Variants in FIGN observed in about 807,000 individuals in gnomAD.
The protein encoded by FIGN is fidgetin, microtubule severing factor.
A neutral mutation model predicts 51.3 loss-of-function variants in FIGN; 11 were observed. That is an observed-to-expected ratio of 0.21 (90% CI 0.13 to 0.35). The LOEUF is 0.35. FIGN is among the 10% of genes least tolerant of loss of function. The probability of loss-of-function intolerance (pLI) is 1.00; values close to 1 mark genes in which losing one functional copy is unlikely to be tolerated. For missense variants in FIGN, 857 were observed against 943.6 expected (o/e 0.91, Z 1.20); for synonymous variants, 407 against 363.2 (o/e 1.12, Z -1.37).
intron 2 of FIGN, among the ~76,000 whole-genome samples, chr2:163,673,228 A>T (rs1271157570): frequency 6.6e-6 from 1 of 152,114 alleles, no homozygotes; most frequent in African/African-American, 2.4e-5. Context: ...GAGATGTGGG[A>T]TTCATTTGAG....
rs1280098209 is a variant in FIGN at position 163,676,433 on chromosome 2, G to GAA, written c.25+58468_25+58469dup. 1.2e-3 allele frequency among the ~76,000 whole-genome samples: 78 copies of GAA among 65,648 alleles called. 1 individual carries two copies. The highest frequency in any genetic ancestry group is 1.9e-3 in the Non-Finnish European group (67 of 35,290). The allele number at this position is 65,648 out of a possible 152,430, so 43.1% of individuals were successfully genotyped here. A position where few individuals can be genotyped will look rare whatever the true frequency, so the allele number is the denominator to read the frequency against. ...AATTAAAACATCTCATGGATTCCTG[G>GAA]AATATATATATATATATATATATAT... On this transcript the variant is annotated intron_variant, in intron 2 of 2. Coordinates refer to ENST00000333129, the MANE Select transcript of FIGN (RefSeq NM_018086.4).
At chr2:163,620,278 T>TA (rs1217277417) in intron 2 of FIGN, among the ~76,000 whole-genome samples, 1 of 152,210 alleles carries the variant, frequency 6.6e-6, no homozygotes, top group Non-Finnish European at 1.5e-5. Context: ...TTTCATTTCT[T>TA]ATGCCCTCTC....
In FIGN at chr2:163,609,410, C is replaced by A; in HGVS notation, c.*142G>T. 1 of 711,492 alleles carries A rather than the reference C, an allele frequency of 1.4e-6. No homozygotes were observed. The highest frequency in any genetic ancestry group is 3.0e-5 in the Admixed American group (1 of 33,716). The allele number at this position is 711,492 out of a possible 1,614,324, so 44.1% of individuals were successfully genotyped here. A position where few individuals can be genotyped will look rare whatever the true frequency, so the allele number is the denominator to read the frequency against. Reference sequence around the variant, plus strand: ...CACTTTTCCTCCAAATCTACCCTGACTCTAAAGATGCAACTTAATCGTCAT... The same window carrying A: ...CACTTTTCCTCCAAATCTACCCTGAATCTAAAGATGCAACTTAATCGTCAT... On this transcript the variant is annotated 3_prime_UTR_variant, in exon 3 of 3. Transcript: ENST00000333129.
At chr2:163,717,337 C>G (rs28473311) in intron 2 of FIGN, among the ~76,000 whole-genome samples, 37,633 of 152,000 alleles carry the variant, frequency 0.25, 5,776 homozygotes, top group African/African-American at 0.43. Flanking sequence ...TGTTTTATTA[C>G]CAAAGTAATG....
Position 163,611,431 on chromosome 2 carries a change from C to A in FIGN, c.401G>T (p.Gly134Val), listed in dbSNP as rs1691257097. 1.2e-6 allele frequency: 2 copies of A among 1,614,020 alleles called. No homozygotes were observed. The highest frequency in any genetic ancestry group is 1.3e-5 in the African/African-American group (1 of 74,902). The change falls in exon 3 of 3, where the codon GGA becomes GTA. Residue 134 changes from glycine (G) to valine (V), a missense_variant. Coordinates refer to ENST00000333129, the MANE Select transcript of FIGN (RefSeq NM_018086.4). ...VPDVITASKA[G>V]VSSALPPADV... ...TGCTGGAGGGAGGGCTGAACTGACT[C>A]CAGCTTTGCTGGCAGTGATAACATC...
At chr2:163,674,560 T>C (rs891798301) in intron 2 of FIGN, among the ~76,000 whole-genome samples, 2 of 152,210 alleles carry the variant, frequency 1.3e-5, no homozygotes, top group African/African-American at 4.8e-5. Context: ...TAACTCAGAC[T>C]TACAGTAATG....
rs779733822 is a variant in FIGN at position 163,603,349 on chromosome 2, C to A, written c.*6203G>T. ...TCAAGGGGTCAAAATCTGGTCAAAT[C>A]CAGCGTATTGTTTCAATTTAAGCAA... On this transcript the variant is annotated 3_prime_UTR_variant, in exon 3 of 3. Coordinates refer to ENST00000333129, the MANE Select transcript of FIGN (RefSeq NM_018086.4). 9.2e-5 allele frequency: 14 copies of A among 151,980 alleles called. No individual in the cohort carries two copies. Among genetic ancestry groups the A allele is most frequent in the Non-Finnish European group, 1.9e-4 (13 of 67,960 alleles). The allele number at this position is 151,980 out of a possible 1,614,324, so 9.4% of individuals were successfully genotyped here. A position where few individuals can be genotyped will look rare whatever the true frequency, so the allele number is the denominator to read the frequency against.
chr2:163,732,342 TCCAAATAAAAGCTAA>T (rs1367495048), intron 2 of FIGN, among the ~76,000 whole-genome samples: 1 of 152,092 alleles, frequency 6.6e-6, no homozygotes, highest in Non-Finnish European at 1.5e-5. Context: ...ATGTTTCTTT[TCCAAATAAAAGCTAA>T]TTTGTCACAA....
intron 1 of FIGN, among the ~76,000 whole-genome samples, 183 bp from the exon 2 acceptor site, chr2:163,735,255 T>C (rs1298095299): frequency 6.6e-6 from 1 of 152,166 alleles, no homozygotes; most frequent in African/African-American, 2.4e-5. Context: ...GGATTGTATA[T>C]ACCATTAAAT....
rs1349467767 is a variant in FIGN at position 163,605,652 on chromosome 2, A to G, written c.*3900T>C. Reference sequence around the variant, plus strand: ...ACTAATTTTATATTTATATATATATATTAGAACTTTACTTTAGTGGCCTCA... The same window carrying G: ...ACTAATTTTATATTTATATATATATGTTAGAACTTTACTTTAGTGGCCTCA... On this transcript the variant is annotated 3_prime_UTR_variant, in exon 3 of 3. Coordinates refer to ENST00000333129, the MANE Select transcript of FIGN (RefSeq NM_018086.4). 6.6e-6 allele frequency: 1 copy of G among 151,814 alleles called. No individual in the cohort carries two copies. Among genetic ancestry groups the G allele is most frequent in the Non-Finnish European group, 1.5e-5 (1 of 67,940 alleles). The allele number at this position is 151,814 out of a possible 1,614,324, so 9.4% of individuals were successfully genotyped here. A position where few individuals can be genotyped will look rare whatever the true frequency, so the allele number is the denominator to read the frequency against.
intron 2 of FIGN, among the ~76,000 whole-genome samples, chr2:163,715,941 T>G (rs1276604388): frequency 6.6e-6 from 1 of 152,214 alleles, no homozygotes; most frequent in Non-Finnish European, 1.5e-5. Flanking sequence ...CATTCTCTAA[T>G]TTATATGCAA....
chr2:163,717,932 C>A (rs2105360888), intron 2 of FIGN, among the ~76,000 whole-genome samples: 1 of 152,252 alleles, frequency 6.6e-6, no homozygotes, highest in East Asian at 1.9e-4. Flanking sequence ...AAGGGATGTT[C>A]CAATTCCAAG....
chr2:163,683,525 G>C (rs1187206820), intron 2 of FIGN, among the ~76,000 whole-genome samples: 1 of 152,160 alleles, frequency 6.6e-6, no homozygotes, highest in African/African-American at 2.4e-5. Context: ...AACTTGGTAA[G>C]ATTAAACGGA....
chr2:163,620,851 T>TTGTGTGTGTGTGTG (rs71015594), intron 2 of FIGN, among the ~76,000 whole-genome samples: 458 of 147,582 alleles, frequency 3.1e-3, no homozygotes, highest in South Asian at 5.2e-3. Context: ...GTGTAAATAT[T>TTGTGTGTGTGTGTG]TGTGTGTGTG....
At chr2:163,732,370 A>G (rs1048720039) in intron 2 of FIGN, among the ~76,000 whole-genome samples, 4 of 152,070 alleles carry the variant, frequency 2.6e-5, no homozygotes, top group African/African-American at 9.7e-5. Context: ...TGTCACAAAT[A>G]TAATGAAGAT....
Position 163,609,512 on chromosome 2 carries a change from G to T in FIGN, c.*40C>A. 6.5e-7 allele frequency: 1 copy of T among 1,538,512 alleles called. No homozygotes were observed. The highest frequency in any genetic ancestry group is 8.8e-7 in the Non-Finnish European group (1 of 1,137,088). On this transcript the variant is annotated 3_prime_UTR_variant, in exon 3 of 3. Coordinates refer to ENST00000333129, the MANE Select transcript of FIGN (RefSeq NM_018086.4). ...CCTATGTAGCAGGTTTTATGTGTGT[G>T]TGCCAACATTCATTACATTTTTTTT...
intron 2 of FIGN, 75 bp from the exon 3 acceptor site, chr2:163,611,881 C>G: frequency 8.0e-7 from 1 of 1,253,226 alleles, no homozygotes; most frequent in East Asian, 2.5e-5. Flanking sequence ...CCCCCAATTT[C>G]TTTTGTTACC....
chr2:163,687,450 C>G (rs1450479904), intron 2 of FIGN, among the ~76,000 whole-genome samples: 3 of 152,252 alleles, frequency 2.0e-5, no homozygotes, highest in African/African-American at 7.2e-5. Context: ...CCTCAGGCCT[C>G]ATACACAGCT....
intron 2 of FIGN, among the ~76,000 whole-genome samples, chr2:163,721,007 GAA>G (rs1684748694): frequency 6.6e-6 from 1 of 152,006 alleles, no homozygotes; most frequent in Non-Finnish European, 1.5e-5. Context: ...GAAAGGGAAG[GAA>G]GGAGGAAGCA....
Sources: allele counts gnomAD v4.1 joint callset (sites outside exome capture counted in the v4.1 genomes callset), GRCh38; gene constraint gnomAD v4.1.1; transcripts MANE v1.5; gene names NCBI Gene and HGNC (gene_info 2026-07-23, HGNC 2026-07-21).